The following CROCC2 variants were observed in gnomAD, a reference collection of about 807,000 sequenced individuals.
The protein encoded by CROCC2 is ciliary rootlet coiled-coil, rootletin family member 2.
Under a neutral mutation model 177.6 loss-of-function variants are expected in CROCC2, and 163 were observed. The ratio of observed to expected loss-of-function variants is 0.92; its 90% CI spans 0.81 to 1.05. CROCC2 has a LOEUF of 1.05. Ranked by LOEUF, CROCC2 falls within the 50% of genes least tolerant of loss-of-function variation. CROCC2 has a pLI of 0.00. For missense variants in CROCC2, 1,929 were observed against 1,797.8 expected (o/e 1.07, Z -1.32); for synonymous variants, 904 against 787.3 (o/e 1.15, Z -2.48).
chr2:240,942,402 TTGTC>T (rs1344592406), intron 14 of CROCC2, among the ~76,000 whole-genome samples: 5 of 152,214 alleles, frequency 3.3e-5, no homozygotes, highest in Non-Finnish European at 5.9e-5. Flanking sequence ...TTTTGGGTCT[TTGTC>T]TGATAACTCT....
chr2:240,971,807 A>G (rs185684470), intron 27 of CROCC2, among the ~76,000 whole-genome samples: 3 of 152,054 alleles, frequency 2.0e-5, no homozygotes, highest in African/African-American at 7.2e-5. Context: ...CCTGGCTTCA[A>G]TCTTGAATTT....
chr2:240,931,005 C>G lies in CROCC2; in HGVS notation c.824C>G (p.Ser275Cys). ...RLHTACLNLD[S>C]NLRLSASSTA... is the part of the protein sequence containing the mutation. Reference sequence around the variant, plus strand: ...CACACCGCCTGCCTGAACCTCGACTCCAACCTGCGGCTGTCGGCCAGCAGC... The same window carrying G: ...CACACCGCCTGCCTGAACCTCGACTGCAACCTGCGGCTGTCGGCCAGCAGC... Residue 275 changes from serine (S) to cysteine (C), a missense_variant, in exon 7 of 32, where the codon TCC becomes TGC. Physicochemically the swap from Ser to Cys is moderately radical, Grantham distance 112. Coordinates refer to ENST00000690015, the MANE Select transcript of CROCC2 (RefSeq NM_001351305.2). The G allele has an allele frequency of 1.4e-6, 1 of 716,388 alleles. No homozygotes were observed. The allele number at this position is 716,388 out of a possible 1,614,324, so 44.4% of individuals were successfully genotyped here. A position where few individuals can be genotyped will look rare whatever the true frequency, so the allele number is the denominator to read the frequency against.
intron 26 of CROCC2, 92 bp from the exon 27 acceptor site, chr2:240,968,037 G>A (rs1025850970): frequency 3.9e-6 from 5 of 1,276,336 alleles, no homozygotes; most frequent in African/African-American, 3.1e-5. Context: ...CCACGTGGGA[G>A]CCAGTCACTC....
intron 29 of CROCC2, among the ~76,000 whole-genome samples, chr2:240,989,422 A>G (rs2059862182): frequency 6.6e-6 from 1 of 152,126 alleles, no homozygotes. Context: ...TTTTAGGCCC[A>G]CCCTGGAGGC....
At chr2:240,977,749 G>T (rs1309415940) in intron 27 of CROCC2, among the ~76,000 whole-genome samples, 1 of 544 alleles carries the variant, frequency 1.8e-3, no homozygotes, top group Non-Finnish European at 2.5e-3. Flanking sequence ...AGCCTCAGGA[G>T]CCCAGACTCA....
chr2:240,947,272 A>G (rs1220760066), intron 15 of CROCC2, among the ~76,000 whole-genome samples: 1 of 152,202 alleles, frequency 6.6e-6, no homozygotes, highest in Non-Finnish European at 1.5e-5. Context: ...GCTCCTGCCC[A>G]TGCTCCCTCC....
In CROCC2 at chr2:240,991,227, A is replaced by G; in HGVS notation, c.4895A>G (p.Glu1632Gly). 1 of 1,548,082 alleles carries G rather than the reference A, an allele frequency of 6.5e-7. No individual in the cohort carries two copies. Among genetic ancestry groups the G allele is most frequent in the Non-Finnish European group, 8.7e-7 (1 of 1,145,788 alleles). The change falls in exon 31 of 32, where the codon GAA becomes GGA. Residue 1632 changes from glutamate to glycine, a missense_variant. Glu to Gly is a moderately conservative substitution (Grantham distance 98). This residue lies in a region of CROCC2 where 388 missense variants were observed against 352.7 expected (regional missense o/e 1.10). Coordinates refer to ENST00000690015, the MANE Select transcript of CROCC2 (RefSeq NM_001351305.2). ...AGCCTGAAGGAGCAACTGGACCAGGAAGTGCAGTGGCGGCAACAGGCCCAC... is the reference window on the plus strand; with the variant it reads ...AGCCTGAAGGAGCAACTGGACCAGGGAGTGCAGTGGCGGCAACAGGCCCAC... ...VASLKEQLDQ[E>G]VQWRQQAHLG... is the part of the protein sequence containing the mutation.
chr2:240,926,719 G>A (rs910304849), intron 5 of CROCC2, among the ~76,000 whole-genome samples: 4 of 152,222 alleles, frequency 2.6e-5, no homozygotes, highest in African/African-American at 4.8e-5. Context: ...TCGCCCCCGA[G>A]GTCCCAGCCC....
chr2:240,951,371 C>A (rs1031534181), intron 18 of CROCC2, among the ~76,000 whole-genome samples: 5 of 152,064 alleles, frequency 3.3e-5, no homozygotes, highest in African/African-American at 1.2e-4. Context: ...ATCCATCCAT[C>A]CATACACTCA....
At chr2:240,954,333 G>C (rs1001851602) in intron 18 of CROCC2, among the ~76,000 whole-genome samples, 1 of 152,176 alleles carries the variant, frequency 6.6e-6, no homozygotes, top group Admixed American at 6.5e-5. Context: ...AAGTCCGGGG[G>C]TCTCCAGGCC....
chr2:240,970,362 C>T (rs1370142230), intron 27 of CROCC2, among the ~76,000 whole-genome samples: 1 of 152,228 alleles, frequency 6.6e-6, no homozygotes, highest in African/African-American at 2.4e-5. Context: ...CTTAGAGTCT[C>T]TGCCTCTTCT....
chr2:240,969,163 C>G (rs1173102991), intron 27 of CROCC2, among the ~76,000 whole-genome samples: 2 of 152,166 alleles, frequency 1.3e-5, no homozygotes, highest in Non-Finnish European at 2.9e-5. Context: ...CTCCAAGTGT[C>G]CCTCCAATGA....
At chr2:240,991,654 G>A (rs2059880446) in intron 31 of CROCC2, among the ~76,000 whole-genome samples, 1 of 152,254 alleles carries the variant, frequency 6.6e-6, no homozygotes, top group African/African-American at 2.4e-5. Flanking sequence ...AGAGAGCAGG[G>A]GCTTGGGCAT....
intron 14 of CROCC2, among the ~76,000 whole-genome samples, chr2:240,942,004 G>A (rs13022359): frequency 0.17 from 26,206 of 152,182 alleles, 2,452 homozygotes; most frequent in African/African-American, 0.21. Flanking sequence ...CAGCATCAAG[G>A]CACAGCCTTG....
chr2:240,937,819 T>C (rs2059479109), intron 14 of CROCC2, among the ~76,000 whole-genome samples: 1 of 152,192 alleles, frequency 6.6e-6, no homozygotes, highest in African/African-American at 2.4e-5. Flanking sequence ...GGTGATTTGT[T>C]CATGGGGCCA....
intron 1 of CROCC2, among the ~76,000 whole-genome samples, chr2:240,914,630 G>A (rs1259790748): frequency 1.3e-5 from 2 of 152,142 alleles, no homozygotes; most frequent in Non-Finnish European, 2.9e-5. Flanking sequence ...CAGGAGGTTC[G>A]CCCTCCACCC....
chr2:240,929,893 G>A (rs1250529929), intron 5 of CROCC2, among the ~76,000 whole-genome samples: 7 of 152,158 alleles, frequency 4.6e-5, no homozygotes, highest in African/African-American at 1.2e-4. Context: ...AGGGGCCCAC[G>A]CACCCCACCC....
chr2:240,935,899 T>C (rs1237268699), intron 14 of CROCC2, among the ~76,000 whole-genome samples: 1 of 152,258 alleles, frequency 6.6e-6, no homozygotes, highest in African/African-American at 2.4e-5. Context: ...TCCTCTGTCT[T>C]GTTTCTCCCT....
intron 20 of CROCC2, among the ~76,000 whole-genome samples, chr2:240,961,577 CACAT>C (rs1383854655): frequency 9.8e-6 from 1 of 101,814 alleles, no homozygotes; most frequent in Non-Finnish European, 2.3e-5. Flanking sequence ...ACACTCATCA[CACAT>C]ACACTCACAC....
Sources: gnomAD v4.1 joint callset for allele counts (sites outside exome capture counted in the v4.1 genomes callset) on GRCh38, gnomAD v4.1.1 for gene constraint, gnomAD v4.1.1 regional missense constraint, MANE v1.5 for transcripts, NCBI Gene and HGNC (gene_info 2026-07-23, HGNC 2026-07-21) for gene names.